FAM178B: variants seen among roughly 807,000 people sequenced by gnomAD.
FAM178B encodes the protein protein FAM178B.
Under a neutral mutation model 91.7 loss-of-function variants are expected in FAM178B, and 82 were observed. The observed-to-expected ratio is 0.89, with a 90% CI of 0.75 to 1.07. The LOEUF (loss-of-function observed/expected upper bound fraction) is 1.07. Among genes scored for constraint, FAM178B ranks in the 50% least tolerant of loss-of-function variants. The pLI, the probability that FAM178B is intolerant of heterozygous loss-of-function variation, is 0.00. For missense variants in FAM178B, 769 were observed against 846.7 expected (o/e 0.91, Z 1.14); for synonymous variants, 368 against 359.4 (o/e 1.02, Z -0.27).
intron 12 of FAM178B, among the ~76,000 whole-genome samples, chr2:96,908,017 G>A (rs1231820513): frequency 6.6e-6 from 1 of 152,222 alleles, no homozygotes; most frequent in African/African-American, 2.4e-5. Context: ...CTCGCACCCC[G>A]GGCCTCTTGT....
intron 13 of FAM178B, among the ~76,000 whole-genome samples, chr2:96,900,878 C>T (rs146557551): frequency 9.1e-4 from 138 of 152,322 alleles, no homozygotes; most frequent in Non-Finnish European, 1.2e-3. Flanking sequence ...AACATTGTCT[C>T]AGCCCTCTGG....
intron 13 of FAM178B, among the ~76,000 whole-genome samples, chr2:96,901,176 CTTTTTTTTTT>C (rs1195230304): frequency 7.5e-6 from 1 of 132,470 alleles, no homozygotes; most frequent in Non-Finnish European, 1.6e-5. Flanking sequence ...ATTCTTTTTT[CTTTTTTTTTT>C]TTTTTTTTTA....
chr2:96,878,193 C>T, intron 15 of FAM178B, 151 bp from the exon 16 acceptor site: 1 of 928,852 alleles, frequency 1.1e-6, no homozygotes, highest in Non-Finnish European at 1.6e-6. Flanking sequence ...GGGGCCAGCA[C>T]AACTGTTGGG....
chr2:96,936,268 C>A (rs1206402573), intron 8 of FAM178B, among the ~76,000 whole-genome samples: 1 of 152,142 alleles, frequency 6.6e-6, no homozygotes, highest in Non-Finnish European at 1.5e-5. Flanking sequence ...GTGGCATGAT[C>A]TCTGCTCACT....
rs1401966865 is a variant in FAM178B at position 96,929,267 on chromosome 2, G to A, written c.1132C>T (p.His378Tyr). The A allele has an allele frequency of 6.4e-7, 1 of 1,551,548 alleles. No individual in the cohort carries two copies. Among genetic ancestry groups the A allele is most frequent in the African/African-American group, 1.4e-5 (1 of 73,054 alleles). The change falls in exon 9 of 17, where the codon CAC (histidine) becomes TAC (tyrosine). Residue 378 changes from histidine (H) to tyrosine (Y), a missense_variant. Transcript: ENST00000490605. ...PSLQEVREAF[H>Y]SLGAHSPALY... ...GCAGGACTGTGGGCACCCAGGCTGT[G>A]GAATGCCTCCCTGACTTCTTGCAGT...
At chr2:96,922,220 G>C (rs1337943685) in intron 10 of FAM178B, among the ~76,000 whole-genome samples, 1 of 152,208 alleles carries the variant, frequency 6.6e-6, no homozygotes, top group Non-Finnish European at 1.5e-5. Context: ...CCTCAGTTCT[G>C]GGAATTGCCC....
intron 1 of FAM178B, among the ~76,000 whole-genome samples, chr2:96,976,578 C>T (rs1157331349): frequency 6.6e-6 from 1 of 151,980 alleles, no homozygotes; most frequent in Non-Finnish European, 1.5e-5. Flanking sequence ...GGCATGGTGG[C>T]TCACGCCTGT....
Position 96,986,379 on chromosome 2 carries a change from G to A in FAM178B, c.-66C>T, listed in dbSNP as rs1030466064. ...GGGAATTCGCACGGCCTCAGAGGAC[G>A]GGGCCAGCTAGCCGGGAAAGGAAGC... On this transcript the variant is annotated 5_prime_UTR_variant, in exon 1 of 17. Transcript: ENST00000490605. 3 of 1,499,428 alleles carry A rather than the reference G, an allele frequency of 2.0e-6. No homozygotes were observed. Among genetic ancestry groups the A allele is most frequent in the Non-Finnish European group, 2.7e-6 (3 of 1,129,674 alleles). The allele number at this position is 1,499,428 out of a possible 1,614,324, so 92.9% of individuals were successfully genotyped here.
chr2:96,951,747 A>G (rs2081931403), intron 6 of FAM178B: 1 of 386,044 alleles, frequency 2.6e-6, no homozygotes. Flanking sequence ...GGGTGGCTGG[A>G]GGCAGTGGCT....
rs1222077598 is a variant in FAM178B at position 96,922,510 on chromosome 2, C to T, written c.1288-856G>A. Among the ~76,000 whole-genome samples the T allele has an allele frequency of 2.6e-5, 4 of 152,022 alleles. No individual in the cohort carries two copies. In the South Asian group the frequency reaches 6.2e-4, roughly 24 times the overall value. On this transcript the variant is annotated intron_variant, in intron 10 of 16. Transcript: ENST00000490605. Reference sequence around the variant, plus strand: ...GATTACAGGCACGCGCCACCGCGCCCGACTAATTATTGTATGTTTAGTAGA... The same window carrying T: ...GATTACAGGCACGCGCCACCGCGCCTGACTAATTATTGTATGTTTAGTAGA...
intron 14 of FAM178B, among the ~76,000 whole-genome samples, chr2:96,891,998 A>G (rs2153368366): frequency 6.6e-6 from 1 of 152,328 alleles, no homozygotes; most frequent in South Asian, 2.1e-4. Flanking sequence ...AGCTCTGGGG[A>G]TGAAAGGCTC....
intron 10 of FAM178B, 83 bp downstream of exon 10, chr2:96,923,407 G>T: frequency 9.2e-7 from 1 of 1,091,558 alleles, no homozygotes; most frequent in Non-Finnish European, 1.4e-6. Flanking sequence ...GAGATTCTCC[G>T]TGATGCTCCT....
chr2:96,905,836 ATATATATATATATATATATATATATTTTT>A (rs760227647), intron 12 of FAM178B, among the ~76,000 whole-genome samples: 1,054 of 28,446 alleles, frequency 0.037, 34 homozygotes, highest in Non-Finnish European at 0.072. Context: ...ATATATATAT[ATATATATATATATATATATATATATTTTT>A]TTTTTTTTTT....
At chr2:96,910,683 G>A (rs1269935221) in intron 12 of FAM178B, among the ~76,000 whole-genome samples, 1 of 152,114 alleles carries the variant, frequency 6.6e-6, no homozygotes, top group Non-Finnish European at 1.5e-5. Context: ...GCTCTGAGGG[G>A]AGCCCCTGCA....
intron 14 of FAM178B, among the ~76,000 whole-genome samples, chr2:96,885,591 C>T (rs554237383): frequency 4.0e-4 from 61 of 152,348 alleles, no homozygotes; most frequent in Middle Eastern, 6.8e-3. Context: ...TATCTCAGAG[C>T]GTCTCCCCAT....
intron 8 of FAM178B, among the ~76,000 whole-genome samples, chr2:96,945,998 C>G (rs1415352165): frequency 2.0e-5 from 3 of 152,196 alleles, no homozygotes; most frequent in Non-Finnish European, 2.9e-5. Context: ...TAACTCCCCA[C>G]TCTCTCCTTC....
chr2:96,889,942 C>CTG, intron 14 of FAM178B, among the ~76,000 whole-genome samples: 1 of 147,152 alleles, frequency 6.8e-6, no homozygotes, highest in East Asian at 2.0e-4. Flanking sequence ...AGTTTGTGAC[C>CTG]AGCCTGGGCA....
chr2:96,883,510 G>A (rs1009136291), intron 14 of FAM178B, among the ~76,000 whole-genome samples: 1 of 152,206 alleles, frequency 6.6e-6, no homozygotes, highest in Non-Finnish European at 1.5e-5. Flanking sequence ...CCCAAATCCA[G>A]CTCTCTCCTG....
In FAM178B at chr2:96,902,704, C is replaced by T. The variant is rs766255820; in HGVS notation, c.1566G>A (p.Arg522=). Residue 522 remains arginine, a synonymous_variant, in exon 13 of 17, where the codon CGG becomes CGA. Coordinates refer to ENST00000490605, the MANE Select transcript of FAM178B (RefSeq NM_001122646.3). The part of the protein sequence containing the change: ...FFPDMTSRSR[R]LRSQLSLVVI... ...CCACAAGGCTGAGCTGGCTTCGAAG[C>T]CGCCTGGGGGAAAAGCGACAGCCTG... 2 of 1,550,096 alleles carry T rather than the reference C, an allele frequency of 1.3e-6. No individual in the cohort carries two copies. The highest frequency in any genetic ancestry group is 2.4e-5 in the East Asian group (1 of 40,864).
Sources: allele counts gnomAD v4.1 joint callset (sites outside exome capture counted in the v4.1 genomes callset), GRCh38; gene constraint gnomAD v4.1.1; transcripts MANE v1.5; gene names NCBI Gene and HGNC (gene_info 2026-07-23, HGNC 2026-07-21).